Variants in NTM observed in about 807,000 individuals in gnomAD.
NTM encodes neurotrimin, also known as IgLON family member 2.
A neutral mutation model predicts 42.1 loss-of-function variants in NTM; 13 were observed. The observed-to-expected ratio is 0.31, with a 90% CI of 0.20 to 0.49. NTM has a LOEUF of 0.49. Ranked by LOEUF, NTM falls within the 20% of genes least tolerant of loss-of-function variation. The pLI, the probability that NTM is intolerant of heterozygous loss-of-function variation, is 0.99. For missense variants in NTM, 373 were observed against 452.8 expected, an observed-to-expected ratio of 0.82 and a Z score of 1.60; for synonymous variants, 187 against 179.2, an observed-to-expected ratio of 1.04 and a Z score of -0.35.
In NTM at chr11:131,370,771, T is replaced by C. The variant is rs1436583101; in HGVS notation, c.-36T>C. 2 of 1,576,944 alleles carry C rather than the reference T, an allele frequency of 1.3e-6. No individual in the cohort carries two copies. The highest frequency in any genetic ancestry group is 1.7e-5 in the Admixed American group (1 of 58,268). ...AAGAAAGAAAGAAAAAAACCGAACC[T>C]GACAAAAAAGAAGAAAAAGAAGAAG... On this transcript the variant is annotated 5_prime_UTR_variant, in exon 1 of 9. Transcript: ENST00000683400.
intron 1 of NTM, among the ~76,000 whole-genome samples, chr11:131,737,747 G>A (rs60636236): frequency 0.042 from 6,332 of 151,976 alleles, 467 homozygotes; most frequent in African/African-American, 0.14. Context: ...CTTGATTTCT[G>A]CCCTGGAGTG....
chr11:131,911,620 G>A lies in NTM; in HGVS notation c.139G>A (p.Val47Ile), dbSNP rs1362871499. The A allele has an allele frequency of 7.4e-6, 12 of 1,614,180 alleles. No homozygotes were observed. The highest frequency in any genetic ancestry group is 1.0e-5 in the Non-Finnish European group (12 of 1,180,016). The change falls in exon 2 of 9, where the codon GTC becomes ATC. Residue 47 changes from valine (V) to isoleucine (I), a missense_variant. Val to Ile is a conservative substitution (Grantham distance 29, BLOSUM62 3). Transcript: ENST00000683400. ...TFPKAMDNVT[V>I]RQGESATLRC... ...CCCCAAAGCTATGGACAACGTGACG[G>A]TCCGGCAGGGGGAGAGCGCCACCCT...
chr11:131,434,281 A>G (rs56137658), intron 1 of NTM, among the ~76,000 whole-genome samples: 3 of 152,348 alleles, frequency 2.0e-5, no homozygotes, highest in African/African-American at 7.2e-5. Context: ...AGCATGATTT[A>G]TAATCCTTTG....
intron 5 of NTM, among the ~76,000 whole-genome samples, 155 bp downstream of exon 5, chr11:132,307,978 C>A (rs2095152106): frequency 6.6e-6 from 1 of 152,348 alleles, no homozygotes; most frequent in African/African-American, 2.4e-5. Context: ...GCAAACATTT[C>A]AAACTCGAGT....
chr11:131,892,506 G>A (rs1470496513), intron 1 of NTM, among the ~76,000 whole-genome samples: 1 of 152,158 alleles, frequency 6.6e-6, no homozygotes. Flanking sequence ...TAAAAGTAAG[G>A]CATGCAGTGC....
At chr11:131,716,776 T>C (rs1052525557) in intron 1 of NTM, among the ~76,000 whole-genome samples, 1 of 152,210 alleles carries the variant, frequency 6.6e-6, no homozygotes, top group African/African-American at 2.4e-5. Flanking sequence ...AACTCTGTTT[T>C]ATTTCACTGG....
At chr11:132,107,962 T>C (rs1378700279) in intron 2 of NTM, among the ~76,000 whole-genome samples, 2 of 152,356 alleles carry the variant, frequency 1.3e-5, no homozygotes, top group African/African-American at 2.4e-5. Context: ...TCCTGACTTA[T>C]AGGTATAGTG....
intron 1 of NTM, among the ~76,000 whole-genome samples, chr11:131,655,462 A>T (rs985494937): frequency 2.0e-5 from 3 of 152,186 alleles, no homozygotes; most frequent in African/African-American, 7.2e-5. Flanking sequence ...AACCTGAAAA[A>T]AGGCAAGGTC....
At chr11:132,152,402 TG>T (rs1566311885) in intron 3 of NTM, among the ~76,000 whole-genome samples, 1 of 152,208 alleles carries the variant, frequency 6.6e-6, no homozygotes, top group African/African-American at 2.4e-5. Flanking sequence ...TGACAGATAG[TG>T]GGGGCATACT....
intron 1 of NTM, among the ~76,000 whole-genome samples, chr11:131,858,393 C>T (rs1463993598): frequency 6.6e-6 from 1 of 151,928 alleles, no homozygotes; most frequent in East Asian, 1.9e-4. Context: ...ATCTGTTTCC[C>T]CAGTTGGGCT....
chr11:132,298,380 C>G (rs1462746910), intron 4 of NTM, among the ~76,000 whole-genome samples: 1 of 152,136 alleles, frequency 6.6e-6, no homozygotes. Flanking sequence ...ACACAGTTCC[C>G]AGACATCAAG....
At chr11:131,419,146 C>T (rs940689359) in intron 1 of NTM, among the ~76,000 whole-genome samples, 1 of 131,042 alleles carries the variant, frequency 7.6e-6, no homozygotes, top group Admixed American at 8.5e-5. Flanking sequence ...GCTAAGTATA[C>T]CTTGGTTAAA....
At chr11:131,491,630 TGGAG>T (rs1372930377) in intron 1 of NTM, among the ~76,000 whole-genome samples, 101 of 152,316 alleles carry the variant, frequency 6.6e-4, no homozygotes, top group Middle Eastern at 6.8e-3. Context: ...AATAAAGTAC[TGGAG>T]TTGGTATTAT....
chr11:131,671,881 T>C (rs1039861819), intron 1 of NTM, among the ~76,000 whole-genome samples: 3 of 152,072 alleles, frequency 2.0e-5, no homozygotes, highest in Admixed American at 6.5e-5. Context: ...GTTTGGGGGC[T>C]CCAAACCTTG....
intron 1 of NTM, among the ~76,000 whole-genome samples, chr11:131,511,918 G>A (rs1390391236): frequency 1.3e-5 from 2 of 152,144 alleles, no homozygotes; most frequent in Non-Finnish European, 2.9e-5. Flanking sequence ...GTCCACACCT[G>A]GGATGGCAGG....
At chr11:131,883,852 C>T (rs199807508) in intron 1 of NTM, among the ~76,000 whole-genome samples, 3 of 152,218 alleles carry the variant, frequency 2.0e-5, no homozygotes, top group South Asian at 2.1e-4. Context: ...TATCTTTGTA[C>T]GTGGACAAGC....
intron 1 of NTM, among the ~76,000 whole-genome samples, chr11:131,881,744 A>G (rs1455975858): frequency 2.6e-5 from 4 of 152,208 alleles, no homozygotes; most frequent in Non-Finnish European, 4.4e-5. Context: ...TTTCTCTCCA[A>G]TTATTGAGTA....
At position 131,919,947 on chromosome 11, in the gene NTM, T is replaced by G. The variant is rs537039150; in HGVS notation, c.167+8299T>G. Among the ~76,000 whole-genome samples the G allele has an allele frequency of 3.9e-5, 6 of 152,264 alleles. No individual in the cohort carries two copies. The East Asian group carries it at 1.2e-3, about 29-fold the overall frequency. The stretch of plus-strand genomic sequence containing the variant: ...GTGGTGCCTCTCCTACACATCTGTT[T>G]AGAGATTCTTCAGTTTCAAATCATT... On this transcript the variant is annotated intron_variant, in intron 2 of 8. Transcript: ENST00000683400.
intron 2 of NTM, among the ~76,000 whole-genome samples, chr11:132,038,184 G>A (rs2076738179): frequency 6.6e-6 from 1 of 152,170 alleles, no homozygotes; most frequent in Non-Finnish European, 1.5e-5. Context: ...ATTCTGTTCC[G>A]ACACAGGTGA....
Sources: allele counts gnomAD v4.1 joint callset (sites outside exome capture counted in the v4.1 genomes callset), GRCh38; gene constraint gnomAD v4.1.1; transcripts MANE v1.5; gene names NCBI Gene and HGNC (gene_info 2026-07-23, HGNC 2026-07-21).